CADPS: variants seen among roughly 807,000 people sequenced by gnomAD.
CADPS encodes the protein calcium dependent secretion activator, also known as calcium-dependent secretion activator 1.
CADPS carries 57 observed loss-of-function variants against 167.3 expected under a neutral mutation model. That is an observed-to-expected ratio of 0.34 (90% confidence interval 0.28 to 0.42). The LOEUF is 0.42. Among genes scored for constraint, CADPS ranks in the 20% least tolerant of loss-of-function variants. The probability of loss-of-function intolerance (pLI) is 1.00; values close to 1 mark genes in which losing one functional copy is unlikely to be tolerated. For missense variants in CADPS, 1,414 were observed against 1,738.1 expected, an observed-to-expected ratio of 0.81 and a Z score of 3.32; for synonymous variants, 676 against 635.3, an observed-to-expected ratio of 1.06 and a Z score of -0.96.
At chr3:62,608,538 C>T (rs1304684883) in intron 6 of CADPS, among the ~76,000 whole-genome samples, 1 of 152,060 alleles carries the variant, frequency 6.6e-6, no homozygotes, top group African/African-American at 2.4e-5. Context: ...CTCGGCCTCC[C>T]AAAGTGCTGG....
chr3:62,840,712 T>C (rs2076535989), intron 1 of CADPS, among the ~76,000 whole-genome samples: 1 of 152,158 alleles, frequency 6.6e-6, no homozygotes, highest in African/African-American at 2.4e-5. Context: ...AGTAATACTT[T>C]TTATAAAATG....
intron 17 of CADPS, among the ~76,000 whole-genome samples, chr3:62,503,593 T>C (rs550011149): frequency 1.3e-5 from 2 of 152,360 alleles, no homozygotes; most frequent in African/African-American, 4.8e-5. Flanking sequence ...ATCTGTCATT[T>C]TGGGGGAAAA....
chr3:62,758,185 C>T (rs1453513956), intron 2 of CADPS, among the ~76,000 whole-genome samples: 1 of 152,238 alleles, frequency 6.6e-6, no homozygotes, highest in African/African-American at 2.4e-5. Flanking sequence ...CCATCAGTCT[C>T]ACTCTCCTTC....
intron 29 of CADPS, among the ~76,000 whole-genome samples, chr3:62,402,517 CAA>C (rs1339364664): frequency 6.6e-6 from 1 of 152,110 alleles, no homozygotes; most frequent in Non-Finnish European, 1.5e-5. Context: ...GGTGCACACA[CAA>C]GAACAAGGGA....
At chr3:62,537,303 T>C (rs2074880252) in intron 11 of CADPS, among the ~76,000 whole-genome samples, 1 of 152,230 alleles carries the variant, frequency 6.6e-6, no homozygotes, top group Admixed American at 6.5e-5. Flanking sequence ...TGTGAATTAA[T>C]AGTCTCAATG....
chr3:62,399,250 C>A lies in CADPS; in HGVS notation c.*156G>T. The A allele has an allele frequency of 1.6e-6, 1 of 633,240 alleles. No individual in the cohort carries two copies. The highest frequency in any genetic ancestry group is 2.7e-6 in the Non-Finnish European group (1 of 366,046). 39.2% of individuals were successfully genotyped at this position (633,240 alleles called of 1,614,324 possible). A position where few individuals can be genotyped will look rare whatever the true frequency, so the allele number is the denominator to read the frequency against. On this transcript the variant is annotated 3_prime_UTR_variant, in exon 30 of 30. Transcript: ENST00000383710. This position sits in a 1 kb window ranked among gnomAD's most constrained non-coding sequence, Gnocchi z 5.6. ...AATCAGTGGATATGAAGGTCATTTGCTAATCTTGGTACCACATAGCTAAAA... is the reference window on the plus strand; with the variant it reads ...AATCAGTGGATATGAAGGTCATTTGATAATCTTGGTACCACATAGCTAAAA...
chr3:62,814,809 A>G (rs1368621173), intron 1 of CADPS, among the ~76,000 whole-genome samples: 1 of 152,188 alleles, frequency 6.6e-6, no homozygotes, highest in Non-Finnish European at 1.5e-5. Context: ...CTTAATTGTT[A>G]AGCACAGGGA....
chr3:62,405,640 T>C (rs2149121919), intron 28 of CADPS, among the ~76,000 whole-genome samples: 1 of 152,252 alleles, frequency 6.6e-6, no homozygotes, highest in Admixed American at 6.5e-5. Flanking sequence ...AATGAATCAG[T>C]GCATCACACG....
At chr3:62,443,706 G>A (rs567967039) in intron 27 of CADPS, among the ~76,000 whole-genome samples, 12 of 152,098 alleles carry the variant, frequency 7.9e-5, no homozygotes, top group Middle Eastern at 3.4e-3. Context: ...TTCCCCTTCC[G>A]CCATGATTGT....
chr3:62,673,192 T>C (rs1045785927), intron 3 of CADPS, among the ~76,000 whole-genome samples: 1 of 152,216 alleles, frequency 6.6e-6, no homozygotes, highest in African/African-American at 2.4e-5. Context: ...AAGAAATATT[T>C]GCAGAGTTAA....
At chr3:62,773,980 T>TA (rs2089629886) in intron 1 of CADPS, among the ~76,000 whole-genome samples, 1 of 152,160 alleles carries the variant, frequency 6.6e-6, no homozygotes, top group Non-Finnish European at 1.5e-5. Context: ...GGCCACATGA[T>TA]ACTCTAACAA....
At chr3:62,870,508 G>A (rs964155471) in intron 1 of CADPS, among the ~76,000 whole-genome samples, 1 of 152,086 alleles carries the variant, frequency 6.6e-6, no homozygotes, top group African/African-American at 2.4e-5. Flanking sequence ...CTATGGCTAT[G>A]ACTCAACATT....
At chr3:62,638,165 C>T (rs1220264416) in intron 6 of CADPS, among the ~76,000 whole-genome samples, 1 of 151,560 alleles carries the variant, frequency 6.6e-6, no homozygotes, top group Non-Finnish European at 1.5e-5. Context: ...GCAGCCTGCC[C>T]ACTCACACAG....
rs140282602 is a variant in CADPS at position 62,840,422 on chromosome 3, A to G, written c.441+34167T>C. ...GAAGACAGTTATAGCTCTGAAATACATGGTTTAACACAAGAACCAGATCAC... is the reference window on the plus strand; with the variant it reads ...GAAGACAGTTATAGCTCTGAAATACGTGGTTTAACACAAGAACCAGATCAC... On this transcript the variant is annotated intron_variant, in intron 1 of 29. Transcript: ENST00000383710. Among the ~76,000 whole-genome samples the G allele has an allele frequency of 6.6e-3, 1,003 of 152,332 alleles. 24 individuals are homozygous for G. The highest frequency in any genetic ancestry group is 0.042 in the Admixed American group (638 of 15,294).
chr3:62,701,972 C>CT (rs1245786194), intron 3 of CADPS, among the ~76,000 whole-genome samples: 1 of 152,122 alleles, frequency 6.6e-6, no homozygotes, highest in Admixed American at 6.5e-5. Flanking sequence ...GGTAGCTACT[C>CT]TATGTTCAGC....
chr3:62,401,657 A>G (rs536561922), intron 29 of CADPS, among the ~76,000 whole-genome samples: 1 of 151,428 alleles, frequency 6.6e-6, no homozygotes, highest in Admixed American at 6.6e-5. Flanking sequence ...GTTAAGCTGA[A>G]CCCACTTTTT....
chr3:62,873,921 C>G (rs2083134495), intron 1 of CADPS, among the ~76,000 whole-genome samples: 1 of 152,196 alleles, frequency 6.6e-6, no homozygotes, highest in South Asian at 2.1e-4. Flanking sequence ...GGTGAGAACT[C>G]CAGCCATAAG....
intron 28 of CADPS, among the ~76,000 whole-genome samples, chr3:62,424,654 G>A (rs148889716): frequency 3.9e-5 from 6 of 152,220 alleles, no homozygotes; most frequent in East Asian, 3.9e-4. Context: ...AAAAGTTGTC[G>A]AAACAGAAAA....
intron 6 of CADPS, among the ~76,000 whole-genome samples, chr3:62,636,031 T>A (rs569809777): frequency 1.3e-5 from 2 of 152,334 alleles, no homozygotes; most frequent in South Asian, 2.1e-4. Flanking sequence ...TCACACCAAC[T>A]GACTTTGATG....
Sources: allele counts gnomAD v4.1 joint callset (sites outside exome capture counted in the v4.1 genomes callset), GRCh38; gene constraint gnomAD v4.1.1; non-coding constraint Gnocchi (gnomAD v3.1); transcripts MANE v1.5; gene names NCBI Gene and HGNC (gene_info 2026-07-23, HGNC 2026-07-21).